Variants in TACC2 observed in about 807,000 individuals in gnomAD.
TACC2 encodes the protein transforming acidic coiled-coil containing protein 2.
TACC2 carries 137 observed loss-of-function variants against 227.3 expected under a neutral mutation model. The observed-to-expected ratio is 0.60, with a 90% CI of 0.52 to 0.69. The LOEUF (loss-of-function observed/expected upper bound fraction) is 0.69. Among genes scored for constraint, TACC2 ranks in the 30% least tolerant of loss-of-function variants. The probability of loss-of-function intolerance (pLI) is 0.00; values close to 1 mark genes in which losing one functional copy is unlikely to be tolerated. For missense variants in TACC2, 3,470 were observed against 3,694.4 expected, an observed-to-expected ratio of 0.94 and a Z score of 1.57; for synonymous variants, 1,523 against 1,487.5, an observed-to-expected ratio of 1.02 and a Z score of -0.55.
chr10:122,208,969 G>A (rs2095218767), intron 8 of TACC2, among the ~76,000 whole-genome samples: 1 of 152,266 alleles, frequency 6.6e-6, no homozygotes, highest in African/African-American at 2.4e-5. Flanking sequence ...CTGGGTGCCA[G>A]CAGAACCTAG....
Position 122,084,716 on chromosome 10 carries a change from A to C in TACC2, c.2216A>C (p.Glu739Ala). 1 of 1,613,648 alleles carries C rather than the reference A, an allele frequency of 6.2e-7. No homozygotes were observed. The highest frequency in any genetic ancestry group is 8.5e-7 in the Non-Finnish European group (1 of 1,180,040). Reference sequence around the variant, plus strand: ...GTTGCACCCAAAGCCCAGGAAGGTGAGAGCACATTGGAAATAAGGAAGATG... The same window carrying C: ...GTTGCACCCAAAGCCCAGGAAGGTGCGAGCACATTGGAAATAAGGAAGATG... ...AEVAPKAQEG[E>A]STLEIRKMGS... The change falls in exon 4 of 23, where the codon GAG (glutamate) becomes GCG (alanine). Residue 739 changes from glutamate (E) to alanine (A), a missense_variant. Around this residue, in one of 10 missense-constraint regions of TACC2, gnomAD observed 1,924 missense variants for 1,978.3 expected, o/e 0.97. Coordinates refer to ENST00000369005, the MANE Select transcript of TACC2 (RefSeq NM_206862.4).
chr10:122,187,130 A>G (rs370121537), intron 7 of TACC2, among the ~76,000 whole-genome samples: 56 of 152,326 alleles, frequency 3.7e-4, no homozygotes, highest in African/African-American at 1.1e-3. Context: ...AAATAAGCCA[A>G]TTTCAAAACT....
chr10:122,227,885 C>T lies in TACC2; in HGVS notation c.7773C>T (p.Asn2591=). The change falls in exon 14 of 23, where the codon AAC becomes AAT. Residue 2591 remains asparagine, a synonymous_variant. Coordinates refer to ENST00000369005, the MANE Select transcript of TACC2 (RefSeq NM_206862.4). ...TEALVNTAAK[N]QHPVPRGLAP... Reference sequence around the variant, plus strand: ...CCCTTGTGAACACTGCTGCGAAAAACCAGCATCCTGTCCCACGAGGACTGG... The same window carrying T: ...CCCTTGTGAACACTGCTGCGAAAAATCAGCATCCTGTCCCACGAGGACTGG... The T allele has an allele frequency of 6.2e-7, 1 of 1,614,234 alleles. No individual in the cohort carries two copies. Among genetic ancestry groups the T allele is most frequent in the African/African-American group, 1.3e-5 (1 of 75,066 alleles).
In TACC2 at chr10:122,211,314, A is replaced by G. The variant is rs944497773; in HGVS notation, c.6889A>G (p.Met2297Val). Residue 2297 changes from methionine to valine, a missense_variant, in exon 9 of 23, where the codon ATG (methionine) becomes GTG (valine). Physicochemically the swap from Met to Val is conservative, Grantham distance 21 (BLOSUM62 1). Around this residue, in one of 10 missense-constraint regions of TACC2, gnomAD observed 593 missense variants for 636.6 expected, o/e 0.93. Transcript: ENST00000369005. ...GATAGGCAAAAAGCCAGTTGCCAAA[A>G]TGCCCCTGAGGAGGCCAAAGATGAA... The part of the protein sequence containing the change: ...KKIGKKPVAK[M>V]PLRRPKMKKT... The G allele has an allele frequency of 6.2e-7, 1 of 1,614,082 alleles. No homozygotes were observed. Among genetic ancestry groups the G allele is most frequent in the Non-Finnish European group, 8.5e-7 (1 of 1,180,016 alleles).
At position 122,180,269 on chromosome 10, in the gene TACC2, C is replaced by T. The variant is rs1182907032; in HGVS notation, c.5835-14771C>T. Among the ~76,000 whole-genome samples, 1 of 152,094 alleles carries T rather than the reference C, an allele frequency of 6.6e-6. No homozygotes were observed. Among genetic ancestry groups the T allele is most frequent in the Admixed American group, 6.5e-5 (1 of 15,268 alleles). Reference sequence around the variant, plus strand: ...GCCCATTCCTTGAACCTGCCACCCTCCTTCCCCCTCCCACCTCAGGGCTCT... The same window carrying T: ...GCCCATTCCTTGAACCTGCCACCCTTCTTCCCCCTCCCACCTCAGGGCTCT... On this transcript the variant is annotated intron_variant, in intron 7 of 22. Transcript: ENST00000369005. This position sits in a 1 kb window ranked among gnomAD's most constrained non-coding sequence, Gnocchi z 4.5.
chr10:122,166,383 C>T (rs985433789), intron 7 of TACC2, among the ~76,000 whole-genome samples: 1 of 152,136 alleles, frequency 6.6e-6, no homozygotes, highest in Admixed American at 6.5e-5. Context: ...CTCCAGCTGA[C>T]AGCTTCATTC....
intron 11 of TACC2, among the ~76,000 whole-genome samples, chr10:122,223,915 A>G (rs939898709): frequency 6.6e-6 from 1 of 152,158 alleles, no homozygotes; most frequent in Non-Finnish European, 1.5e-5. Flanking sequence ...ACAGAAGTCC[A>G]TTCTGGTCTT....
At chr10:122,009,117 G>A (rs1014098362) in intron 1 of TACC2, among the ~76,000 whole-genome samples, 3 of 152,168 alleles carry the variant, frequency 2.0e-5, no homozygotes, top group African/African-American at 7.2e-5. Flanking sequence ...AGGTGCATGA[G>A]AAAAATCCAG....
intron 7 of TACC2, among the ~76,000 whole-genome samples, chr10:122,148,409 C>T (rs932577298): frequency 8.5e-5 from 13 of 152,220 alleles, no homozygotes; most frequent in Non-Finnish European, 1.8e-4. Flanking sequence ...CAGCCCTGGG[C>T]CAGAATTTGA....
rs1389808854 is a variant in TACC2, at chr10:122,210,485, C to G, written c.6060C>G (p.Phe2020Leu). Residue 2020 changes from phenylalanine to leucine, a missense_variant, in exon 9 of 23, where the codon TTC (phenylalanine) becomes TTG (leucine). By Grantham distance (22) the Phe-to-Leu change is conservative (BLOSUM62 0). Coordinates refer to ENST00000369005, the MANE Select transcript of TACC2 (RefSeq NM_206862.4). The surrounding 1 kb of genome is among the most constrained non-coding windows in gnomAD (Gnocchi z 4.6). ...GSPFRPPSHS[F>L]SAVFDEDKPI... is the part of the protein sequence containing the mutation. Reference sequence around the variant, plus strand: ...CCTTCCGTCCCCCGTCACACTCCTTCTCTGCCGTCTTCGATGAAGACAAGC... The same window carrying G: ...CCTTCCGTCCCCCGTCACACTCCTTGTCTGCCGTCTTCGATGAAGACAAGC... The G allele has an allele frequency of 3.1e-6, 5 of 1,613,996 alleles. No individual in the cohort carries two copies. The highest frequency in any genetic ancestry group is 4.2e-6 in the Non-Finnish European group (5 of 1,180,014).
Position 122,241,795 on chromosome 10 carries a change from G to A in TACC2, c.8349-163G>A, listed in dbSNP as rs571415524. ...TGCACAAGGGAGTGGCATATTTAGA[G>A]TCACGCACCAGGAAAATGAGCGTGC... On this transcript the variant is annotated intron_variant, in intron 18 of 22. Transcript: ENST00000369005. 3 of 682,926 alleles carry A rather than the reference G, an allele frequency of 4.4e-6. No homozygotes were observed. In the Admixed American group the frequency reaches 6.4e-5, roughly 15 times the overall value. The allele number at this position is 682,926 out of a possible 1,614,324, so 42.3% of individuals were successfully genotyped here.
intron 5 of TACC2, among the ~76,000 whole-genome samples, chr10:122,108,149 C>T (rs1444295628): frequency 6.6e-6 from 1 of 151,808 alleles, no homozygotes; most frequent in Non-Finnish European, 1.5e-5. Flanking sequence ...CCTCAGCCTC[C>T]CAAAGTGCTG....
rs1230647531 is a variant in TACC2 at position 122,194,001 on chromosome 10, T to C, written c.5835-1039T>C. Among the ~76,000 whole-genome samples the C allele has an allele frequency of 6.6e-6, 1 of 152,230 alleles. No homozygotes were observed. Among genetic ancestry groups the C allele is most frequent in the Non-Finnish European group, 1.5e-5 (1 of 68,042 alleles). On this transcript the variant is annotated intron_variant, in intron 7 of 22. Transcript: ENST00000369005. This position sits in a 1 kb window ranked among gnomAD's most constrained non-coding sequence, Gnocchi z 4.4. ...GGCACAGTCATAGCTCACTGCAGCC[T>C]CAAACTTCTGGGCTTAAGTGATCCT...
chr10:122,222,625 G>A (rs2095543425), intron 11 of TACC2, among the ~76,000 whole-genome samples: 1 of 152,248 alleles, frequency 6.6e-6, no homozygotes, highest in Admixed American at 6.5e-5. Flanking sequence ...AGGCAGATGA[G>A]TGAGCTCCGT....
chr10:122,130,844 G>A (rs541417257), intron 5 of TACC2, among the ~76,000 whole-genome samples: 8 of 144,446 alleles, frequency 5.5e-5, no homozygotes, highest in South Asian at 2.2e-4. Context: ...GCACGTATAC[G>A]TAGTAACCAT....
intron 3 of TACC2, among the ~76,000 whole-genome samples, chr10:122,079,734 T>A (rs1269212004): frequency 6.6e-6 from 1 of 152,192 alleles, no homozygotes; most frequent in East Asian, 1.9e-4. Context: ...AATAAGAAGA[T>A]TGTGTCCAGT....
intron 2 of TACC2, among the ~76,000 whole-genome samples, chr10:122,040,960 C>A (rs1428366178): frequency 6.6e-6 from 1 of 152,086 alleles, no homozygotes; most frequent in East Asian, 1.9e-4. Flanking sequence ...TTGGGCAGGT[C>A]CCCCCGGGTC....
chr10:122,106,277 C>A (rs1011387848), intron 5 of TACC2, among the ~76,000 whole-genome samples: 1 of 151,904 alleles, frequency 6.6e-6, no homozygotes, highest in African/African-American at 2.4e-5. Flanking sequence ...TGTGAGCCAC[C>A]GCGCCCGGCC....
In TACC2 at chr10:122,173,521, C is replaced by T. The variant is rs138498745; in HGVS notation, c.5835-21519C>T. ...CAACTTCCAGATCTGGCACTTGTCA[C>T]GAGCATCTTTACGTGCCAGGGCACA... On this transcript the variant is annotated intron_variant, in intron 7 of 22. Transcript: ENST00000369005. Among the ~76,000 whole-genome samples, 343 of 152,330 alleles carry T rather than the reference C, an allele frequency of 2.3e-3. 1 individual carries two copies. The highest frequency in any genetic ancestry group is 0.02 in the Middle Eastern group (6 of 294).
Sources: gnomAD v4.1 joint callset for allele counts (sites outside exome capture counted in the v4.1 genomes callset) on GRCh38, gnomAD v4.1.1 for gene constraint, gnomAD v4.1.1 regional missense constraint, Gnocchi (gnomAD v3.1) non-coding constraint, MANE v1.5 for transcripts, NCBI Gene and HGNC (gene_info 2026-07-23, HGNC 2026-07-21) for gene names.